The following TTC17 variants were observed in gnomAD, a reference collection of about 807,000 sequenced individuals.
The protein encoded by TTC17 is tetratricopeptide repeat domain 17.
A neutral mutation model predicts 143.8 loss-of-function variants in TTC17; 58 were observed. That is an observed-to-expected ratio of 0.40 (90% CI 0.33 to 0.50). The LOEUF (loss-of-function observed/expected upper bound fraction) is 0.50, where lower values mean the gene tolerates loss of function less well. Among genes scored for constraint, TTC17 ranks in the 20% least tolerant of loss-of-function variants. The pLI is 0.49. For missense variants in TTC17, 1,273 were observed against 1,392.5 expected, an observed-to-expected ratio of 0.91 and a Z score of 1.37; for synonymous variants, 501 against 497.8, an observed-to-expected ratio of 1.01 and a Z score of -0.09.
At chr11:43,382,355 T>G (rs528616033) in intron 2 of TTC17, among the ~76,000 whole-genome samples, 4 of 152,284 alleles carry the variant, frequency 2.6e-5, no homozygotes, top group South Asian at 4.1e-4. Context: ...TTAAAAACAT[T>G]GATGAAAAAG....
At chr11:43,377,402 T>TA (rs1233265586) in intron 1 of TTC17, among the ~76,000 whole-genome samples, 1 of 152,244 alleles carries the variant, frequency 6.6e-6, no homozygotes, top group Non-Finnish European at 1.5e-5. Context: ...TTGTCAAACA[T>TA]ACTCTGATAA....
chr11:43,446,228 T>C, intron 18 of TTC17: 2 of 1,213,204 alleles, frequency 1.6e-6, no homozygotes, highest in Non-Finnish European at 2.1e-6. Flanking sequence ...GTGCCCCCTC[T>C]GCCCTCTGCC....
At chr11:43,389,417 T>C (rs760515438) in intron 2 of TTC17, among the ~76,000 whole-genome samples, 1 of 152,168 alleles carries the variant, frequency 6.6e-6, no homozygotes, top group Non-Finnish European at 1.5e-5. Context: ...AATCATCTTA[T>C]GAAGGCCCAT....
chr11:43,423,596 A>G lies in TTC17; in HGVS notation c.2251+8820A>G, dbSNP rs138207719. On this transcript the variant is annotated intron_variant, in intron 16 of 23. Transcript: ENST00000039989. ...ATTCATTTGCAAGCTTTTAGTTGGT[A>G]TTTTAATTTTAATATTTATGGTTTA... Among the ~76,000 whole-genome samples, 41 of 152,298 alleles carry G rather than the reference A, an allele frequency of 2.7e-4. No individual in the cohort carries two copies. In the East Asian group the frequency reaches 7.3e-3, roughly 27 times the overall value.
rs1590363997 is a variant in TTC17 at position 43,403,943 on chromosome 11, A to G, written c.1333-55A>G. 6 of 1,478,800 alleles carry G rather than the reference A, an allele frequency of 4.1e-6. No individual in the cohort carries two copies. The East Asian group carries it at 7.1e-5, about 18-fold the overall frequency. The allele number at this position is 1,478,800 out of a possible 1,614,324, so 91.6% of individuals were successfully genotyped here. On this transcript the variant is annotated intron_variant, in intron 10 of 23. Coordinates refer to ENST00000039989, the MANE Select transcript of TTC17 (RefSeq NM_018259.6). ...CTTTTTTGGTGTGAGTTAAATTATAATCACAACTCCTTTTCCACTTTCAAT... is the reference window on the plus strand; with the variant it reads ...CTTTTTTGGTGTGAGTTAAATTATAGTCACAACTCCTTTTCCACTTTCAAT...
intron 5 of TTC17, chr11:43,395,602 T>A (rs191023511): frequency 2.0e-5 from 3 of 152,354 alleles, no homozygotes; most frequent in Admixed American, 1.3e-4. Context: ...AAGTTCATAG[T>A]TGATCTGCTC....
chr11:43,388,507 A>G (rs1166041732), intron 2 of TTC17, among the ~76,000 whole-genome samples: 2 of 151,956 alleles, frequency 1.3e-5, no homozygotes, highest in Non-Finnish European at 2.9e-5. Flanking sequence ...AGAAGACATT[A>G]AAGAATACCT....
intron 5 of TTC17, among the ~76,000 whole-genome samples, chr11:43,393,187 C>T (rs1857453008): frequency 6.6e-6 from 1 of 152,168 alleles, no homozygotes; most frequent in Admixed American, 6.5e-5. Flanking sequence ...CTGGAGTTAG[C>T]ACAGACCCCA....
At chr11:43,411,366 T>G (rs961595179) in intron 15 of TTC17, among the ~76,000 whole-genome samples, 1 of 152,174 alleles carries the variant, frequency 6.6e-6, no homozygotes, top group African/African-American at 2.4e-5. Context: ...TGAAGTCTTA[T>G]GAATACTAAC....
At chr11:43,434,673 T>C (rs186659221) in intron 16 of TTC17, among the ~76,000 whole-genome samples, 1 of 152,346 alleles carries the variant, frequency 6.6e-6, no homozygotes, top group African/African-American at 2.4e-5. Flanking sequence ...TACTCAAAGC[T>C]TATTCTCTGA....
rs188120252 is a variant in TTC17, at chr11:43,378,869, T to C, written c.160-364T>C. The C allele has an allele frequency of 1.8e-3, 366 of 202,946 alleles. 2 individuals are homozygous for C. Among genetic ancestry groups the C allele is most frequent in the Middle Eastern group, 7.0e-3 (4 of 570 alleles). 12.6% of individuals were successfully genotyped at this position (202,946 alleles called of 1,614,324 possible). ...TATCACTTCCAAGCCTATTCAGATA[T>C]GAAATGTGCTATCAAAACAAGACAA... is the stretch of plus-strand genomic sequence containing the variant. On this transcript the variant is annotated intron_variant, in intron 1 of 23. Transcript: ENST00000039989.
chr11:43,369,528 A>G (rs1856481605), intron 1 of TTC17, among the ~76,000 whole-genome samples: 1 of 152,110 alleles, frequency 6.6e-6, no homozygotes, highest in Non-Finnish European at 1.5e-5. Context: ...GTTTAGCATG[A>G]TAGTCAAGGT....
intron 5 of TTC17, among the ~76,000 whole-genome samples, chr11:43,394,652 A>G (rs563247379): frequency 7.2e-5 from 11 of 152,320 alleles, no homozygotes; most frequent in Admixed American, 2.0e-4. Flanking sequence ...TAAGAGTTCT[A>G]TTTGGGCCAT....
intron 2 of TTC17, among the ~76,000 whole-genome samples, chr11:43,381,106 AAAATG>A (rs1856951233): frequency 6.6e-6 from 1 of 152,190 alleles, no homozygotes. Context: ...TAAGTCAGTG[AAAATG>A]AAATGAAAAA....
At chr11:43,457,309 A>G (rs901988558) in intron 21 of TTC17, among the ~76,000 whole-genome samples, 1 of 152,128 alleles carries the variant, frequency 6.6e-6, no homozygotes, top group African/African-American at 2.4e-5. Context: ...GAATGAGTTG[A>G]TCAGTCTTAC....
intron 16 of TTC17, chr11:43,435,118 GA>G (rs1386401711): frequency 6.6e-6 from 1 of 152,046 alleles, no homozygotes; most frequent in Non-Finnish European, 1.5e-5. Flanking sequence ...TAGATAGATA[GA>G]TAGATAGATA....
At chr11:43,361,518 G>A (rs1177557813) in intron 1 of TTC17, among the ~76,000 whole-genome samples, 4 of 152,138 alleles carry the variant, frequency 2.6e-5, no homozygotes, top group African/African-American at 4.8e-5. Context: ...TCATCTAACA[G>A]CATCTTTTAC....
At chr11:43,467,869 A>G (rs1413880451) in intron 21 of TTC17, among the ~76,000 whole-genome samples, 1 of 149,604 alleles carries the variant, frequency 6.7e-6, no homozygotes, top group Non-Finnish European at 1.5e-5. Context: ...CATGTGGGAC[A>G]CATCCAAAAA....
At chr11:43,377,250 A>G (rs906072636) in intron 1 of TTC17, among the ~76,000 whole-genome samples, 7 of 152,062 alleles carry the variant, frequency 4.6e-5, no homozygotes, top group Middle Eastern at 3.2e-3. Flanking sequence ...TCGAGATCAC[A>G]CCACTGCACT....
Sources: gnomAD v4.1 joint callset for allele counts (sites outside exome capture counted in the v4.1 genomes callset) on GRCh38, gnomAD v4.1.1 for gene constraint, MANE v1.5 for transcripts, NCBI Gene and HGNC (gene_info 2026-07-23, HGNC 2026-07-21) for gene names.